RGS6: variants seen among roughly 807,000 people sequenced by gnomAD.
RGS6 encodes regulator of G protein signaling 6.
A neutral mutation model predicts 78.5 loss-of-function variants in RGS6; 30 were observed. That is an observed-to-expected ratio of 0.38 (90% CI 0.29 to 0.52). The LOEUF is 0.52. Ranked by LOEUF, RGS6 falls within the 20% of genes least tolerant of loss-of-function variation. RGS6 has a pLI of 0.85. For missense variants in RGS6, 495 were observed against 609.7 expected (o/e 0.81, Z 1.98); for synonymous variants, 206 against 206.0 (o/e 1.00, Z 0.00).
Position 72,542,949 on chromosome 14 carries a change from G to A in RGS6, c.1422+2855G>A, listed in dbSNP as rs536890442. Reference sequence around the variant, plus strand: ...TTAGGGCCATGTTAGTTTGGGTGACGAAGGGGCCTGGTACTCCCCAGTCAA... The same window carrying A: ...TTAGGGCCATGTTAGTTTGGGTGACAAAGGGGCCTGGTACTCCCCAGTCAA... On this transcript the variant is annotated intron_variant, in intron 17 of 17. Transcript: ENST00000553525. Among the ~76,000 whole-genome samples, 416 of 151,624 alleles carry A rather than the reference G, an allele frequency of 2.7e-3. 1 individual carries two copies. The highest frequency in any genetic ancestry group is 0.01 in the Middle Eastern group (3 of 294).
At chr14:72,447,204 C>A (rs1015654274) in intron 3 of RGS6, among the ~76,000 whole-genome samples, 4 of 152,096 alleles carry the variant, frequency 2.6e-5, no homozygotes, top group Admixed American at 2.0e-4. Context: ...AACCAGAGCA[C>A]CCCAAACCAG....
chr14:72,333,240 T>C (rs537552988), intron 2 of RGS6, among the ~76,000 whole-genome samples: 1 of 152,150 alleles, frequency 6.6e-6, no homozygotes, highest in Non-Finnish European at 1.5e-5. Flanking sequence ...CGGGGGAAAA[T>C]GTGAATATCA....
intron 2 of RGS6, among the ~76,000 whole-genome samples, chr14:72,299,674 T>C (rs2065640440): frequency 6.6e-6 from 1 of 152,208 alleles, no homozygotes; most frequent in Non-Finnish European, 1.5e-5. Context: ...ACAGCCATCC[T>C]AGTGGGTGTG....
intron 6 of RGS6, among the ~76,000 whole-genome samples, chr14:72,463,271 A>T (rs893058887): frequency 6.6e-6 from 1 of 152,220 alleles, no homozygotes; most frequent in Admixed American, 6.5e-5. Flanking sequence ...GTTCTTCCAG[A>T]TGCCCTCTTG....
chr14:72,200,006 G>A (rs1443367328), intron 2 of RGS6, among the ~76,000 whole-genome samples: 1 of 152,152 alleles, frequency 6.6e-6, no homozygotes, highest in East Asian at 1.9e-4. Flanking sequence ...CAGTGCCCTA[G>A]GACCCAGGGT....
At chr14:71,876,621 C>CT in the RGS6 span, among the ~76,000 whole-genome samples, 1 of 151,240 alleles carries the variant, frequency 6.6e-6, no homozygotes, top group South Asian at 2.1e-4. Flanking sequence ...GGTCTTGACT[C>CT]TTTATCCGAT....
At chr14:72,098,960 C>T (rs955127632) in intron 2 of RGS6, among the ~76,000 whole-genome samples, 1 of 152,176 alleles carries the variant, frequency 6.6e-6, no homozygotes, top group Admixed American at 6.5e-5. Context: ...TTATTGTGCA[C>T]ATTTTAAGGG....
chr14:72,197,481 A>T (rs771652299), intron 2 of RGS6, among the ~76,000 whole-genome samples: 1 of 152,196 alleles, frequency 6.6e-6, no homozygotes, highest in Non-Finnish European at 1.5e-5. Flanking sequence ...CCTGCGAGGG[A>T]TACACAAGAA....
intron 13 of RGS6, among the ~76,000 whole-genome samples, chr14:72,497,050 G>A (rs557747978): frequency 7.9e-5 from 12 of 152,056 alleles, no homozygotes; most frequent in Non-Finnish European, 1.5e-4. Flanking sequence ...CATAAACAAT[G>A]ATTCCGGGAA....
At chr14:72,588,400 T>C in the RGS6 span, among the ~76,000 whole-genome samples, 3 of 152,152 alleles carry the variant, frequency 2.0e-5, no homozygotes, top group Non-Finnish European at 2.9e-5. Flanking sequence ...CAGGGACTCA[T>C]TGTAAGAGTA....
chr14:72,404,098 G>GT (rs902773267), intron 3 of RGS6, among the ~76,000 whole-genome samples: 11 of 152,182 alleles, frequency 7.2e-5, no homozygotes, highest in African/African-American at 2.2e-4. Flanking sequence ...GTTTACTAGT[G>GT]TTGCTCGCAT....
chr14:72,401,119 G>A (rs57373275), intron 3 of RGS6, among the ~76,000 whole-genome samples: 21,593 of 152,008 alleles, frequency 0.14, 1,893 homozygotes, highest in African/African-American at 0.25. Context: ...TAAATCTTAT[G>A]TTCAGTCTTT....
intron 3 of RGS6, among the ~76,000 whole-genome samples, chr14:72,416,762 T>C (rs1285239657): frequency 6.6e-6 from 1 of 152,174 alleles, no homozygotes; most frequent in African/African-American, 2.4e-5. Context: ...CTAAAGAGTG[T>C]GGTTAAGAGT....
chr14:72,290,048 A>C (rs2063308037), intron 2 of RGS6, among the ~76,000 whole-genome samples: 1 of 152,200 alleles, frequency 6.6e-6, no homozygotes, highest in South Asian at 2.1e-4. Context: ...TCCATTCAAA[A>C]GAGAATGAAA....
intron 3 of RGS6, among the ~76,000 whole-genome samples, chr14:72,381,993 T>C (rs1007340048): frequency 4.6e-5 from 7 of 151,946 alleles, no homozygotes; most frequent in African/African-American, 1.7e-4. Context: ...TAAATGTTGC[T>C]GGGAAAACTG....
At chr14:71,939,870 G>A (rs1034948613) in intron 1 of RGS6, among the ~76,000 whole-genome samples, 57 of 152,196 alleles carry the variant, frequency 3.7e-4, no homozygotes, top group African/African-American at 1.3e-3. Context: ...ACATGATACT[G>A]TTTTTGATTT....
chr14:72,614,203 C>T, the RGS6 span, among the ~76,000 whole-genome samples: 3 of 152,204 alleles, frequency 2.0e-5, no homozygotes, highest in African/African-American at 7.2e-5. Context: ...GGAGCCCCAA[C>T]CCCCAGACAG....
At chr14:72,264,348 C>G (rs1319502905) in intron 2 of RGS6, among the ~76,000 whole-genome samples, 1 of 152,204 alleles carries the variant, frequency 6.6e-6, no homozygotes, top group African/African-American at 2.4e-5. Context: ...GTAAGTAAAT[C>G]TGTGTGAGTA....
At chr14:72,561,091 T>G (rs974891235) in intron 17 of RGS6, among the ~76,000 whole-genome samples, 2 of 152,224 alleles carry the variant, frequency 1.3e-5, no homozygotes, top group African/African-American at 4.8e-5. Flanking sequence ...ACAGCCCGTG[T>G]TGTTTATTAG....
Sources: gnomAD v4.1 joint callset for allele counts (sites outside exome capture counted in the v4.1 genomes callset) on GRCh38, gnomAD v4.1.1 for gene constraint, MANE v1.5 for transcripts, NCBI Gene and HGNC (gene_info 2026-07-23, HGNC 2026-07-21) for gene names.